Variants in ZNF398 observed in about 807,000 individuals in gnomAD.
The protein encoded by ZNF398 is zinc finger protein 398, also known as zinc finger DNA binding protein ZER6.
ZNF398 carries 18 observed loss-of-function variants against 41.9 expected under a neutral mutation model. The observed-to-expected ratio is 0.43, with a 90% CI of 0.30 to 0.64. The LOEUF (loss-of-function observed/expected upper bound fraction) is 0.64. Among genes scored for constraint, ZNF398 ranks in the 30% least tolerant of loss-of-function variants. The pLI is 0.14. For missense variants in ZNF398, 669 were observed against 822.8 expected (o/e 0.81, Z 2.29); for synonymous variants, 260 against 308.8 (o/e 0.84, Z 1.66).
intron 2 of ZNF398, among the ~76,000 whole-genome samples, chr7:149,155,707 A>ATTTT (rs1359986695): frequency 1.4e-5 from 1 of 73,534 alleles, no homozygotes; most frequent in Non-Finnish European, 2.4e-5. Flanking sequence ...ATATATATAT[A>ATTTT]TTTTTTTTTT....
In ZNF398 at chr7:149,176,476, A is replaced by G. The variant is rs1795462688; in HGVS notation, c.670A>G (p.Ile224Val). The change falls in exon 5 of 6, where the codon ATT becomes GTT. Residue 224 changes from isoleucine (I) to valine (V), a missense_variant. Coordinates refer to ENST00000475153, the MANE Select transcript of ZNF398 (RefSeq NM_170686.3). ...IPTDPSEEPG[I>V]STSDILSWIK... Reference sequence around the variant, plus strand: ...TTCCTCCCACAAATTAGAGCCTGGTATTTCAACATCAGATATTCTGTCTTG... The same window carrying G: ...TTCCTCCCACAAATTAGAGCCTGGTGTTTCAACATCAGATATTCTGTCTTG... 2 of 1,613,606 alleles carry G rather than the reference A, an allele frequency of 1.2e-6. No homozygotes were observed. The highest frequency in any genetic ancestry group is 4.5e-5 in the East Asian group (2 of 44,872).
At chr7:149,168,312 A>G (rs1026917526) in intron 4 of ZNF398, among the ~76,000 whole-genome samples, 2 of 151,674 alleles carry the variant, frequency 1.3e-5, no homozygotes, top group Non-Finnish European at 2.9e-5. Context: ...TCCTGACCTC[A>G]AGTGATCTGC....
At chr7:149,153,110 C>T (rs552929500) in intron 1 of ZNF398, among the ~76,000 whole-genome samples, 42 of 152,190 alleles carry the variant, frequency 2.8e-4, no homozygotes, top group Non-Finnish European at 1.2e-4. Flanking sequence ...CTGCCCACCT[C>T]GGCCTCCCAA....
At position 149,154,153 on chromosome 7, in the gene ZNF398, T is replaced by C. The variant is rs369901614; in HGVS notation, c.233T>C (p.Leu78Pro). Residue 78 changes from leucine (L) to proline (P), a missense_variant, in exon 2 of 6, where the codon CTA (leucine) becomes CCA (proline). Transcript: ENST00000475153. ...CGGACAGGGACAGCAGAGAAGAAAC[T>C]AGCCAGCTGTGAAAAGACAGTTACC... ...EGRTGTAEKK[L>P]ASCEKTVTEL... The C allele has an allele frequency of 1.9e-6, 3 of 1,614,000 alleles. No individual in the cohort carries two copies. The highest frequency in any genetic ancestry group is 2.7e-5 in the African/African-American group (2 of 74,922).
At chr7:149,170,251 G>A (rs1037771702) in intron 4 of ZNF398, among the ~76,000 whole-genome samples, 1 of 152,192 alleles carries the variant, frequency 6.6e-6, no homozygotes, top group Non-Finnish European at 1.5e-5. Flanking sequence ...AGACATCACA[G>A]CGTGAACTCA....
chr7:149,169,596 C>T (rs572126217), intron 4 of ZNF398, among the ~76,000 whole-genome samples: 2 of 152,264 alleles, frequency 1.3e-5, no homozygotes, highest in African/African-American at 4.8e-5. Flanking sequence ...GGACTACAGG[C>T]ACACACCACC....
intron 2 of ZNF398, among the ~76,000 whole-genome samples, chr7:149,141,442 CTTTTCTTTT>C (rs1364629991): frequency 1.1e-5 from 1 of 93,892 alleles, no homozygotes. Flanking sequence ...ATTACAGCTA[CTTTTCTTTT>C]TTTTCTTTTT....
intron 2 of ZNF398, among the ~76,000 whole-genome samples, chr7:149,133,284 T>C (rs1400459765): frequency 6.6e-6 from 1 of 151,864 alleles, no homozygotes; most frequent in East Asian, 1.9e-4. Flanking sequence ...CAGATAACTT[T>C]TGTATTTTTA....
At chr7:149,148,387 G>C in intron 1 of ZNF398, 1 of 979,512 alleles carries the variant, frequency 1.0e-6, no homozygotes, top group Non-Finnish European at 1.2e-6. Context: ...CAGGGCGACC[G>C]AGGCGACCGG....
At chr7:149,153,186 A>G (rs1794893954) in intron 1 of ZNF398, among the ~76,000 whole-genome samples, 2 of 152,078 alleles carry the variant, frequency 1.3e-5, no homozygotes, top group South Asian at 2.1e-4. Context: ...TAGTTCAACA[A>G]TTATTTATTA....
intron 2 of ZNF398, among the ~76,000 whole-genome samples, chr7:149,156,357 A>G (rs930723552): frequency 2.9e-4 from 44 of 151,736 alleles, no homozygotes; most frequent in African/African-American, 1.0e-3. Flanking sequence ...ATACAAAAAA[A>G]TTAGCTGAGC....
Position 149,165,093 on chromosome 7 carries a change from T to TA in ZNF398, c.421-1053dup, listed in dbSNP as rs538942394. ...TGGGTGTACAGCGAGACTCTGTCTC[T>TA]AAAAAAAAAAAAGAAAAGAAAGAAA... On this transcript the variant is annotated intron_variant, in intron 2 of 5. Transcript: ENST00000475153. Among the ~76,000 whole-genome samples the TA allele has an allele frequency of 2.2e-3, 279 of 128,532 alleles. 2 individuals carry two copies. The highest frequency in any genetic ancestry group is 4.3e-3 in the African/African-American group (148 of 34,740). The allele number at this position is 128,532 out of a possible 152,430, so 84.3% of individuals were successfully genotyped here. A position where few individuals can be genotyped will look rare whatever the true frequency, so the allele number is the denominator to read the frequency against.
rs1240194582 is a variant in ZNF398, at chr7:149,179,006, C to T, written c.1134C>T (p.His378=). ...HPLPCAQCPK[H]FTPQADLSST... is the part of the protein sequence containing the mutation. ...TACCCTGTGCCCAGTGCCCTAAGCA[C>T]TTTACTCCACAGGCGGACCTCAGCA... The change falls in exon 6 of 6, where the codon CAC becomes CAT. Residue 378 remains histidine (H), a synonymous_variant. Coordinates refer to ENST00000475153, the MANE Select transcript of ZNF398 (RefSeq NM_170686.3). The surrounding 1 kb of genome is among the most constrained non-coding windows in gnomAD (Gnocchi z 6.1). 1 of 1,614,150 alleles carries T rather than the reference C, an allele frequency of 6.2e-7. No homozygotes were observed. The highest frequency in any genetic ancestry group is 8.5e-7 in the Non-Finnish European group (1 of 1,180,026).
At chr7:149,172,965 T>C (rs1236680487) in intron 4 of ZNF398, among the ~76,000 whole-genome samples, 2 of 152,154 alleles carry the variant, frequency 1.3e-5, no homozygotes, top group East Asian at 3.9e-4. Flanking sequence ...TTGCTAAGAA[T>C]CCTAACAATC....
At chr7:149,164,681 G>T (rs1484833637) in intron 2 of ZNF398, among the ~76,000 whole-genome samples, 1 of 152,306 alleles carries the variant, frequency 6.6e-6, no homozygotes, top group Middle Eastern at 3.4e-3. Context: ...CAAGGAAGAA[G>T]GTTGTAAAAG....
intron 5 of ZNF398, among the ~76,000 whole-genome samples, chr7:149,177,435 A>G (rs537232162): frequency 2.2e-4 from 34 of 151,966 alleles, no homozygotes; most frequent in Non-Finnish European, 4.4e-4. Context: ...CCCTGTCTCT[A>G]AAAAAAAGGA....
chr7:149,150,827 A>C (rs1827092414), intron 1 of ZNF398, among the ~76,000 whole-genome samples: 1 of 151,946 alleles, frequency 6.6e-6, no homozygotes, highest in African/African-American at 2.4e-5. Flanking sequence ...CTCTAGCCTC[A>C]GTCTCCCGAG....
At chr7:149,160,230 A>G (rs1215531203) in intron 2 of ZNF398, among the ~76,000 whole-genome samples, 1 of 152,084 alleles carries the variant, frequency 6.6e-6, no homozygotes, top group Non-Finnish European at 1.5e-5. Flanking sequence ...CAAGGTCAGG[A>G]GATCGAGACC....
intron 2 of ZNF398, among the ~76,000 whole-genome samples, chr7:149,165,623 C>G (rs1218459348): frequency 6.6e-6 from 1 of 152,156 alleles, no homozygotes; most frequent in African/African-American, 2.4e-5. Context: ...ATTTTGGTTC[C>G]TAACATGCCT....
Sources: gnomAD v4.1 joint callset for allele counts (sites outside exome capture counted in the v4.1 genomes callset) on GRCh38, gnomAD v4.1.1 for gene constraint, Gnocchi (gnomAD v3.1) non-coding constraint, MANE v1.5 for transcripts, NCBI Gene and HGNC (gene_info 2026-07-23, HGNC 2026-07-21) for gene names.